Variants in LRFN2 observed in about 807,000 individuals in gnomAD.
LRFN2 encodes the protein leucine-rich repeat and fibronectin type-III domain-containing protein 2.
LRFN2 carries 18 observed loss-of-function variants against 37.3 expected under a neutral mutation model. The observed-to-expected ratio is 0.48, with a 90% CI of 0.33 to 0.72. The LOEUF (loss-of-function observed/expected upper bound fraction) is 0.72, where lower values mean the gene tolerates loss of function less well. Ranked by LOEUF, LRFN2 falls within the 30% of genes least tolerant of loss-of-function variation. The pLI, the probability that LRFN2 is intolerant of heterozygous loss-of-function variation, is 0.02. For missense variants in LRFN2, 1,006 were observed against 1,060.7 expected (o/e 0.95, Z 0.72); for synonymous variants, 556 against 466.6 (o/e 1.19, Z -2.47).
At chr6:40,401,821 C>T (rs1762747797) in intron 2 of LRFN2, among the ~76,000 whole-genome samples, 1 of 152,190 alleles carries the variant, frequency 6.6e-6, no homozygotes, top group Non-Finnish European at 1.5e-5. Context: ...AGCACCACGC[C>T]TTTCTAGGTG....
intron 1 of LRFN2, among the ~76,000 whole-genome samples, chr6:40,580,406 C>T (rs1561915226): frequency 6.6e-6 from 1 of 151,244 alleles, no homozygotes; most frequent in Non-Finnish European, 1.5e-5. Flanking sequence ...GTGAATCTCC[C>T]TGGTCCTTAG....
At chr6:40,538,707 C>T (rs750715138) in intron 1 of LRFN2, among the ~76,000 whole-genome samples, 6 of 152,356 alleles carry the variant, frequency 3.9e-5, no homozygotes, top group East Asian at 3.9e-4. Context: ...GTGTGTCTGA[C>T]GCAGGGCGTC....
At chr6:40,442,130 AG>A (rs1187192529) in intron 1 of LRFN2, among the ~76,000 whole-genome samples, 4 of 152,058 alleles carry the variant, frequency 2.6e-5, no homozygotes, top group African/African-American at 9.7e-5. Context: ...TACCCTCCAA[AG>A]GCCTCACCCT....
chr6:40,500,971 G>C (rs1470751536), intron 1 of LRFN2, among the ~76,000 whole-genome samples: 1 of 137,594 alleles, frequency 7.3e-6, no homozygotes, highest in African/African-American at 2.7e-5. Flanking sequence ...TTTTTGCATT[G>C]AGCATATATT....
At chr6:40,577,506 A>G in intron 1 of LRFN2, among the ~76,000 whole-genome samples, 1 of 151,234 alleles carries the variant, frequency 6.6e-6, no homozygotes, top group South Asian at 2.1e-4. Context: ...ATACGTATAC[A>G]TGTGCCATGC....
chr6:40,470,853 G>A (rs1764579116), intron 1 of LRFN2, among the ~76,000 whole-genome samples: 1 of 152,232 alleles, frequency 6.6e-6, no homozygotes, highest in African/African-American at 2.4e-5. Flanking sequence ...TGGGGATGGA[G>A]CATAAGAGAC....
intron 1 of LRFN2, among the ~76,000 whole-genome samples, chr6:40,463,128 A>T (rs563530934): frequency 8.5e-5 from 13 of 152,250 alleles, no homozygotes; most frequent in Non-Finnish European, 1.6e-4. Flanking sequence ...AGTGAAAGAC[A>T]TGCAGGGTAA....
intron 2 of LRFN2, among the ~76,000 whole-genome samples, chr6:40,399,426 CTTTTTTTTTTTCTTTT>C (rs1301914597): frequency 1.5e-5 from 2 of 134,406 alleles, no homozygotes; most frequent in African/African-American, 5.4e-5. Context: ...TTTTTCTTTT[CTTTTTTTTTTTCTTTT>C]TTTTTTTTTT....
intron 1 of LRFN2, among the ~76,000 whole-genome samples, chr6:40,537,123 C>T (rs1056397692): frequency 6.6e-6 from 1 of 152,170 alleles, no homozygotes; most frequent in Non-Finnish European, 1.5e-5. Context: ...CCATTCTCTA[C>T]GTAATTGTTT....
intron 1 of LRFN2, among the ~76,000 whole-genome samples, chr6:40,498,449 T>C (rs963399364): frequency 1.3e-5 from 2 of 152,204 alleles, no homozygotes; most frequent in Non-Finnish European, 2.9e-5. Context: ...TAGACATTTA[T>C]TGGATATTTC....
chr6:40,477,781 G>GT (rs1350190406), intron 1 of LRFN2, among the ~76,000 whole-genome samples: 2 of 152,162 alleles, frequency 1.3e-5, no homozygotes, highest in Non-Finnish European at 2.9e-5. Context: ...CTTCCAGAGT[G>GT]TTTTGCTGAA....
In LRFN2 at chr6:40,556,118, G is replaced by A. The variant is rs560019620; in HGVS notation, c.-19+30823C>T. ...CACCTGAGCCACCTGGAAAGCCCCC[G>A]CACCATGCTGCAGTCTGGCAGGTGT... On this transcript the variant is annotated intron_variant, in intron 1 of 2. Transcript: ENST00000338305. Among the ~76,000 whole-genome samples the A allele has an allele frequency of 1.1e-4, 16 of 152,226 alleles. 1 individual carries two copies. The South Asian group carries it at 1.5e-3, about 14-fold the overall frequency.
chr6:40,472,595 G>A lies in LRFN2; in HGVS notation c.-18-39464C>T, dbSNP rs562820570. ...TTCAGATTCACCCCGTGTAAGCCGA[G>A]CTGGATTTGTGCACTTCCCTCCTCC... is the stretch of plus-strand genomic sequence containing the variant. On this transcript the variant is annotated intron_variant, in intron 1 of 2. Coordinates refer to ENST00000338305, the MANE Select transcript of LRFN2 (RefSeq NM_020737.3). Among the ~76,000 whole-genome samples the A allele has an allele frequency of 5.3e-5, 8 of 152,304 alleles. No individual in the cohort carries two copies. In the East Asian group the frequency reaches 1.2e-3, roughly 22 times the overall value.
rs1290755027 is a variant in LRFN2 at position 40,456,810 on chromosome 6, AG to A, written c.-18-23680del. The stretch of plus-strand genomic sequence containing the variant: ...AAGGAGAGAAAAGGGAAGGGTGAAA[AG>A]CAGTAGCTATGCTCCTTGGGTCAAG... On this transcript the variant is annotated intron_variant, in intron 1 of 2. Transcript: ENST00000338305. Among the ~76,000 whole-genome samples, 208 of 152,286 alleles carry A rather than the reference AG, an allele frequency of 1.4e-3. 4 individuals carry two copies. The highest frequency in any genetic ancestry group is 1.7e-3 in the East Asian group (9 of 5,176).
rs745466103 is a variant in LRFN2, at chr6:40,539,865, C to T, written c.-19+47076G>A. ...CACTGTGGGGCCTTGGGTAGGTCAT[C>T]GATGTCATGATTCCTGACTCAGTTT... On this transcript the variant is annotated intron_variant, in intron 1 of 2. Coordinates refer to ENST00000338305, the MANE Select transcript of LRFN2 (RefSeq NM_020737.3). 5.3e-5 allele frequency among the ~76,000 whole-genome samples: 8 copies of T among 152,088 alleles called. 1 individual carries two copies. In the South Asian group the frequency reaches 1.0e-3, roughly 20 times the overall value.
At chr6:40,572,073 C>T (rs1767199241) in intron 1 of LRFN2, among the ~76,000 whole-genome samples, 3 of 152,212 alleles carry the variant, frequency 2.0e-5, no homozygotes, top group Admixed American at 2.0e-4. Context: ...TGCTCCCACG[C>T]TTTGCTAACA....
intron 1 of LRFN2, among the ~76,000 whole-genome samples, chr6:40,513,638 C>T (rs1404822829): frequency 2.6e-5 from 4 of 152,066 alleles, no homozygotes; most frequent in Admixed American, 1.3e-4. Context: ...CGGAGGCGGG[C>T]GACAGACCAC....
chr6:40,490,249 A>C (rs73732689), intron 1 of LRFN2, among the ~76,000 whole-genome samples: 356 of 152,322 alleles, frequency 2.3e-3, no homozygotes, highest in African/African-American at 8.1e-3. Flanking sequence ...TAACCTTTTC[A>C]AAAATGTAAT....
chr6:40,505,427 G>C (rs1014961477), intron 1 of LRFN2, among the ~76,000 whole-genome samples: 1 of 152,122 alleles, frequency 6.6e-6, no homozygotes, highest in African/African-American at 2.4e-5. Context: ...ATGTAATTTC[G>C]CTCCATGACG....
Sources: allele counts gnomAD v4.1 joint callset (sites outside exome capture counted in the v4.1 genomes callset), GRCh38; gene constraint gnomAD v4.1.1; transcripts MANE v1.5; gene names NCBI Gene and HGNC (gene_info 2026-07-23, HGNC 2026-07-21).